DPP6: variants seen among roughly 807,000 people sequenced by gnomAD.
The protein encoded by DPP6 is dipeptidyl peptidase like 6, also known as A-type potassium channel modulatory protein DPP6.
Under a neutral mutation model 122.6 loss-of-function variants are expected in DPP6, and 69 were observed. The observed-to-expected ratio is 0.56, with a 90% CI of 0.46 to 0.69. DPP6 has a LOEUF of 0.69. Ranked by LOEUF, DPP6 falls within the 30% of genes least tolerant of loss-of-function variation. DPP6 has a pLI of 0.00. For missense variants in DPP6, 928 were observed against 1,116.9 expected, an observed-to-expected ratio of 0.83 and a Z score of 2.41; for synonymous variants, 418 against 433.1, an observed-to-expected ratio of 0.97 and a Z score of 0.43.
At chr7:154,082,866 T>TTG in intron 1 of DPP6, among the ~76,000 whole-genome samples, 1 of 147,608 alleles carries the variant, frequency 6.8e-6, no homozygotes, top group African/African-American at 2.5e-5. Flanking sequence ...TTTTTTTTTT[T>TTG]GAGATGGAGT....
intron 1 of DPP6, among the ~76,000 whole-genome samples, chr7:154,252,492 T>C (rs1352623769): frequency 6.6e-6 from 1 of 152,238 alleles, no homozygotes; most frequent in Non-Finnish European, 1.5e-5. Context: ...GATAATGTAC[T>C]GTCTTATTTC....
At chr7:154,574,720 TG>T (rs1831395269) in intron 5 of DPP6, among the ~76,000 whole-genome samples, 2 of 127,850 alleles carry the variant, frequency 1.6e-5, no homozygotes, top group South Asian at 2.7e-4. Flanking sequence ...TATGTGTGTG[TG>T]GGGTGTACGT....
chr7:154,747,553 C>T (rs545550517), intron 8 of DPP6, among the ~76,000 whole-genome samples: 4 of 152,290 alleles, frequency 2.6e-5, no homozygotes, highest in African/African-American at 4.8e-5. Context: ...TTGTGCGAAT[C>T]GCCATACTGT....
intron 1 of DPP6, among the ~76,000 whole-genome samples, chr7:154,101,823 G>A (rs779946874): frequency 9.2e-5 from 14 of 151,430 alleles, no homozygotes; most frequent in Non-Finnish European, 1.8e-4. Context: ...AGCTTCTCGG[G>A]AGGCTGAGGT....
At chr7:153,772,418 T>G in the DPP6 span, among the ~76,000 whole-genome samples, 1 of 152,266 alleles carries the variant, frequency 6.6e-6, no homozygotes, top group South Asian at 2.1e-4. Context: ...AGATGTTGAT[T>G]AATTAATAAT....
the DPP6 span, among the ~76,000 whole-genome samples, chr7:153,783,584 T>A: frequency 6.6e-6 from 1 of 152,246 alleles, no homozygotes; most frequent in Non-Finnish European, 1.5e-5. Context: ...TCTTTGGGCA[T>A]GTCATAAAAT....
At chr7:154,112,132 A>G (rs1247899587) in intron 1 of DPP6, among the ~76,000 whole-genome samples, 1 of 152,150 alleles carries the variant, frequency 6.6e-6, no homozygotes, top group African/African-American at 2.4e-5. Flanking sequence ...GAAGCCAAAC[A>G]AACTTAGGTT....
At chr7:154,484,173 G>C in intron 3 of DPP6, among the ~76,000 whole-genome samples, 1 of 147,238 alleles carries the variant, frequency 6.8e-6, no homozygotes, top group Admixed American at 6.7e-5. Flanking sequence ...GACTATAGTA[G>C]GGGAAAGGTT....
At chr7:154,507,343 A>C (rs1825741531) in intron 3 of DPP6, among the ~76,000 whole-genome samples, 1 of 152,096 alleles carries the variant, frequency 6.6e-6, no homozygotes, top group Admixed American at 6.6e-5. Context: ...ATAGGTTTAC[A>C]TGTGCCATAG....
the DPP6 span, among the ~76,000 whole-genome samples, chr7:153,848,737 C>A: frequency 6.6e-6 from 1 of 152,192 alleles, no homozygotes; most frequent in Non-Finnish European, 1.5e-5. Context: ...CAAAATCTCT[C>A]TTAAGCTGTG....
At chr7:154,009,754 C>T (rs1256909587) in intron 1 of DPP6, among the ~76,000 whole-genome samples, 3 of 151,252 alleles carry the variant, frequency 2.0e-5, no homozygotes, top group Non-Finnish European at 4.4e-5. Flanking sequence ...ACTCCAGAGG[C>T]GGCTGCCACT....
chr7:154,483,000 G>A (rs1027421121), intron 3 of DPP6, among the ~76,000 whole-genome samples: 1 of 152,134 alleles, frequency 6.6e-6, no homozygotes, highest in African/African-American at 2.4e-5. Context: ...GTTAGGTATT[G>A]AGAACTGGGG....
At position 154,578,414 on chromosome 7, in the gene DPP6, A is replaced by G. The variant is rs1331007796; in HGVS notation, c.627+11498A>G. On this transcript the variant is annotated intron_variant, in intron 5 of 25. Coordinates refer to ENST00000377770, the MANE Select transcript of DPP6 (RefSeq NM_130797.4). ...ACTGTATCAGGTTGCTTTAGTCTTG[A>G]GAGTTTATGATAGATGGAAGTTTGA... Among the ~76,000 whole-genome samples, 9 of 152,216 alleles carry G rather than the reference A, an allele frequency of 5.9e-5. No individual in the cohort carries two copies. The East Asian group carries it at 1.7e-3, about 29-fold the overall frequency.
intron 1 of DPP6, among the ~76,000 whole-genome samples, chr7:154,350,309 C>G (rs921731837): frequency 1.3e-5 from 2 of 152,086 alleles, no homozygotes; most frequent in African/African-American, 4.8e-5. Context: ...GGGAGGAACA[C>G]GGCCTTGAAG....
intron 15 of DPP6, among the ~76,000 whole-genome samples, chr7:154,806,065 G>A (rs1453626106): frequency 6.6e-6 from 1 of 152,242 alleles, no homozygotes; most frequent in East Asian, 1.9e-4. Context: ...GATGAGGTCA[G>A]CATGAGGGAG....
rs118084750 is a variant in DPP6, at chr7:154,527,946, T to A, written c.458-12586T>A. ...AAATAACTGGCATTTTATCTAATTG[T>A]TGAGAGAGTTAGAAAAAATAATTTG... On this transcript the variant is annotated intron_variant, in intron 3 of 25. Transcript: ENST00000377770. Among the ~76,000 whole-genome samples the A allele has an allele frequency of 2.2e-4, 34 of 152,222 alleles. No homozygotes were observed. In the East Asian group the frequency reaches 6.6e-3, roughly 29 times the overall value.
intron 8 of DPP6, among the ~76,000 whole-genome samples, chr7:154,764,580 T>G (rs1432026496): frequency 2.0e-5 from 3 of 152,290 alleles, no homozygotes; most frequent in Non-Finnish European, 2.9e-5. Flanking sequence ...GAAGGGAGTG[T>G]GGGTGTTGGA....
At chr7:154,871,258 C>T (rs1389596374) in intron 18 of DPP6, among the ~76,000 whole-genome samples, 1 of 152,068 alleles carries the variant, frequency 6.6e-6, no homozygotes, top group Non-Finnish European at 1.5e-5. Flanking sequence ...AAGCACAAAG[C>T]CAGCTTTCCC....
At chr7:154,509,877 G>A (rs1171430932) in intron 3 of DPP6, among the ~76,000 whole-genome samples, 1 of 152,084 alleles carries the variant, frequency 6.6e-6, no homozygotes, top group Non-Finnish European at 1.5e-5. Flanking sequence ...ACTATTCAGA[G>A]CAGAGAACTC....
Sources: gnomAD v4.1 joint callset for allele counts (sites outside exome capture counted in the v4.1 genomes callset) on GRCh38, gnomAD v4.1.1 for gene constraint, MANE v1.5 for transcripts, NCBI Gene and HGNC (gene_info 2026-07-23, HGNC 2026-07-21) for gene names.